The following RALGPS2 variants were observed in gnomAD, a reference collection of about 807,000 sequenced individuals.
The protein encoded by RALGPS2 is ras-specific guanine nucleotide-releasing factor RalGPS2.
A neutral mutation model predicts 86.8 loss-of-function variants in RALGPS2; 43 were observed. The observed-to-expected ratio is 0.50, with a 90% CI of 0.39 to 0.64. The LOEUF (loss-of-function observed/expected upper bound fraction) is 0.64, where lower values mean the gene tolerates loss of function less well. RALGPS2 is among the 30% of genes least tolerant of loss of function. The pLI is 0.00. For missense variants in RALGPS2, 536 were observed against 694.6 expected, an observed-to-expected ratio of 0.77 and a Z score of 2.57; for synonymous variants, 243 against 231.3, an observed-to-expected ratio of 1.05 and a Z score of -0.46.
At chr1:178,819,910 C>T (rs771154727) in intron 6 of RALGPS2, among the ~76,000 whole-genome samples, 8 of 152,066 alleles carry the variant, frequency 5.3e-5, no homozygotes, top group Non-Finnish European at 1.2e-4. Context: ...CTGATCTTTC[C>T]AAAATGTAGT....
At chr1:178,805,853 G>C (rs1044428400) in intron 4 of RALGPS2, among the ~76,000 whole-genome samples, 2 of 152,016 alleles carry the variant, frequency 1.3e-5, no homozygotes, top group African/African-American at 4.8e-5. Context: ...GAGCTAAAAT[G>C]TACTTTAGTT....
chr1:178,854,514 T>A (rs1202439716), intron 8 of RALGPS2, among the ~76,000 whole-genome samples: 5 of 152,176 alleles, frequency 3.3e-5, no homozygotes, highest in Non-Finnish European at 5.9e-5. Context: ...CAACACTTAC[T>A]AACAGCCCAT....
At chr1:178,816,757 G>A (rs1231046374) in intron 6 of RALGPS2, among the ~76,000 whole-genome samples, 18 of 147,442 alleles carry the variant, frequency 1.2e-4, no homozygotes, top group Admixed American at 1.2e-3. Flanking sequence ...CACCCAGGCT[G>A]GTGCACAATG....
rs565062749 is a variant in RALGPS2 at position 178,764,153 on chromosome 1, TG to T, written c.-83-12526del. Among the ~76,000 whole-genome samples the T allele has an allele frequency of 2.1e-3, 189 of 90,574 alleles. 2 individuals carry two copies. Among genetic ancestry groups the T allele is most frequent in the African/African-American group, 0.01 (174 of 16,782 alleles). 59.4% of individuals were successfully genotyped at this position (90,574 alleles called of 152,430 possible). On this transcript the variant is annotated intron_variant, in intron 1 of 19. Transcript: ENST00000367635. ...TTTATGGATCTGGCTGCTCCTGTTT[TG>T]GGTGTGTGTATATATTTAGAATAGT...
In RALGPS2 at chr1:178,893,947, C is replaced by T; in HGVS notation, c.1354C>T (p.His452Tyr). The T allele has an allele frequency of 3.7e-6, 6 of 1,608,008 alleles. No homozygotes were observed. The highest frequency in any genetic ancestry group is 5.1e-6 in the Non-Finnish European group (6 of 1,176,236). Reference sequence around the variant, plus strand: ...TGCAGAATCAGAAGATTTGGCAGTACATTTATATCCAGGAGCTGTTACTAT... The same window carrying T: ...TGCAGAATCAGAAGATTTGGCAGTATATTTATATCCAGGAGCTGTTACTAT... Reference protein sequence around the residue: ...SSAESEDLAVHLYPGAVTIQG... With the variant: ...SSAESEDLAVYLYPGAVTIQG... The change falls in exon 16 of 20, where the codon CAT becomes TAT. Residue 452 changes from histidine (H) to tyrosine (Y), a missense_variant. By Grantham distance (83) the His-to-Tyr change is moderately conservative (BLOSUM62 2). Coordinates refer to ENST00000367635, the MANE Select transcript of RALGPS2 (RefSeq NM_152663.5).
At chr1:178,811,079 G>A (rs557145496) in intron 5 of RALGPS2, among the ~76,000 whole-genome samples, 2 of 151,052 alleles carry the variant, frequency 1.3e-5, no homozygotes, top group South Asian at 4.2e-4. Flanking sequence ...TTTTTCTTTT[G>A]ATATTTTATT....
intron 1 of RALGPS2, among the ~76,000 whole-genome samples, chr1:178,752,566 A>G (rs904067673): frequency 6.6e-6 from 1 of 152,190 alleles, no homozygotes; most frequent in Non-Finnish European, 1.5e-5. Context: ...ATTTAGAGTA[A>G]ATTAAAGAGT....
chr1:178,916,002 CAG>C (rs1406830358), intron 19 of RALGPS2, among the ~76,000 whole-genome samples: 1 of 152,092 alleles, frequency 6.6e-6, no homozygotes, highest in East Asian at 1.9e-4. Flanking sequence ...CTCACCCTAC[CAG>C]AGTCATACTT....
intron 16 of RALGPS2, among the ~76,000 whole-genome samples, chr1:178,894,811 T>C (rs1659870108): frequency 6.6e-6 from 1 of 152,190 alleles, no homozygotes; most frequent in Non-Finnish European, 1.5e-5. Context: ...GTGTTAAGGG[T>C]GCTTAAATCC....
chr1:178,822,724 C>T (rs1655562971), intron 7 of RALGPS2, among the ~76,000 whole-genome samples: 1 of 151,756 alleles, frequency 6.6e-6, no homozygotes, highest in Non-Finnish European at 1.5e-5. Context: ...TAATTATGGC[C>T]TTATTGTCTT....
chr1:178,774,634 A>G (rs1308345259), intron 1 of RALGPS2, among the ~76,000 whole-genome samples: 3 of 152,362 alleles, frequency 2.0e-5, no homozygotes, highest in South Asian at 2.1e-4. Context: ...TCTTAATACT[A>G]TAAGGATAAT....
chr1:178,919,042 T>A lies in RALGPS2; in HGVS notation c.*2683T>A, dbSNP rs955249166. 6.6e-6 allele frequency: 1 copy of A among 152,090 alleles called. No individual in the cohort carries two copies. The highest frequency in any genetic ancestry group is 1.5e-5 in the Non-Finnish European group (1 of 67,924). The allele number at this position is 152,090 out of a possible 1,614,324, so 9.4% of individuals were successfully genotyped here. ...GCCTGTTTATGATAAGCATAATGATTGGCATGTTATATAGCCTGTTGAAAA... is the reference window on the plus strand; with the variant it reads ...GCCTGTTTATGATAAGCATAATGATAGGCATGTTATATAGCCTGTTGAAAA... On this transcript the variant is annotated 3_prime_UTR_variant, in exon 20 of 20. Transcript: ENST00000367635.
chr1:178,749,689 A>G (rs1046451075), intron 1 of RALGPS2, among the ~76,000 whole-genome samples: 2 of 152,212 alleles, frequency 1.3e-5, no homozygotes, highest in South Asian at 4.1e-4. Flanking sequence ...CTGCTATTGC[A>G]GAGTTATCTA....
At chr1:178,845,625 C>A (rs1656829099) in intron 8 of RALGPS2, among the ~76,000 whole-genome samples, 1 of 152,162 alleles carries the variant, frequency 6.6e-6, no homozygotes, top group Admixed American at 6.5e-5. Context: ...TCTGTTTAAA[C>A]AATAAATGTA....
chr1:178,747,777 G>A (rs552704623), intron 1 of RALGPS2: 94 of 822,346 alleles, frequency 1.1e-4, no homozygotes, highest in African/African-American at 1.0e-3. Context: ...GAGCTGGTGC[G>A]AGCAGAGCCT....
At chr1:178,727,194 G>A (rs935794461) in intron 1 of RALGPS2, among the ~76,000 whole-genome samples, 5 of 151,360 alleles carry the variant, frequency 3.3e-5, no homozygotes, top group Non-Finnish European at 4.4e-5. Context: ...CATAATTTTT[G>A]AACGGTAAGA....
intron 13 of RALGPS2, among the ~76,000 whole-genome samples, chr1:178,886,941 A>G (rs1373803131): frequency 6.6e-6 from 1 of 152,178 alleles, no homozygotes; most frequent in East Asian, 1.9e-4. Flanking sequence ...GACCTTGATA[A>G]GAGTTGCTTC....
intron 1 of RALGPS2, among the ~76,000 whole-genome samples, chr1:178,734,184 G>C (rs188892350): frequency 2.0e-4 from 31 of 152,320 alleles, no homozygotes; most frequent in African/African-American, 7.0e-4. Context: ...CCACTAGGAT[G>C]ACTTGAATGA....
At chr1:178,773,053 C>T (rs1407933578) in intron 1 of RALGPS2, among the ~76,000 whole-genome samples, 2 of 152,360 alleles carry the variant, frequency 1.3e-5, no homozygotes, top group East Asian at 1.9e-4. Flanking sequence ...CCACCTGTCT[C>T]AGCTTTCCAA....
Sources: gnomAD v4.1 joint callset for allele counts (sites outside exome capture counted in the v4.1 genomes callset) on GRCh38, gnomAD v4.1.1 for gene constraint, MANE v1.5 for transcripts, NCBI Gene and HGNC (gene_info 2026-07-23, HGNC 2026-07-21) for gene names.